Variants in HECTD4 observed in about 807,000 individuals in gnomAD.
HECTD4 encodes HECT domain E3 ubiquitin protein ligase 4.
HECTD4 carries 114 observed loss-of-function variants against 471.5 expected under a neutral mutation model. That is an observed-to-expected ratio of 0.24 (90% CI 0.21 to 0.28). The LOEUF (loss-of-function observed/expected upper bound fraction) is 0.28. HECTD4 is among the 10% of genes least tolerant of loss of function. The probability of loss-of-function intolerance (pLI) is 1.00; values close to 1 mark genes in which losing one functional copy is unlikely to be tolerated. For synonymous variants in HECTD4, 2,012 were observed against 2,256.0 expected (o/e 0.89, Z 3.07); for missense variants, 3,866 against 5,651.5 (o/e 0.68, Z 10.13).
In HECTD4 at chr12:112,162,649, C is replaced by G. The variant is rs1593880676; in HGVS notation, c.13121-126G>C. ...GCCCCAAGCCAATCCTGGGGCCCAG[C>G]AGGAGGGGGATGAGGGCCTGGGAAC... On this transcript the variant is annotated intron_variant, in intron 75 of 75. Transcript: ENST00000682272. This position sits in a 1 kb window ranked among gnomAD's most constrained non-coding sequence, Gnocchi z 5.2. The G allele has an allele frequency of 8.7e-7, 1 of 1,148,710 alleles. No homozygotes were observed. Among genetic ancestry groups the G allele is most frequent in the Admixed American group, 2.3e-5 (1 of 42,848 alleles). 71.2% of individuals were successfully genotyped at this position (1,148,710 alleles called of 1,614,324 possible).
chr12:112,363,798 A>C (rs1279514785), intron 1 of HECTD4, among the ~76,000 whole-genome samples: 1 of 151,592 alleles, frequency 6.6e-6, no homozygotes, highest in African/African-American at 2.4e-5. Context: ...AACATGGTGA[A>C]ACCCCATCTC....
chr12:112,306,179 C>T lies in HECTD4; in HGVS notation c.1220G>A (p.Ser407Asn). 6.2e-7 allele frequency: 1 copy of T among 1,604,028 alleles called. No homozygotes were observed. The highest frequency in any genetic ancestry group is 8.5e-7 in the Non-Finnish European group (1 of 1,176,804). The change falls in exon 7 of 76, where the codon AGC becomes AAC. Residue 407 changes from serine to asparagine, a missense_variant. Physicochemically the swap from Ser to Asn is conservative, Grantham distance 46. Transcript: ENST00000682272. ...GCCATCTGAAGACAGGTGCACAGTGCTCATGGTGCTGCCAATGGGGAGGTG... is the reference window on the plus strand; with the variant it reads ...GCCATCTGAAGACAGGTGCACAGTGTTCATGGTGCTGCCAATGGGGAGGTG... ...ANHLPIGSTM[S>N]TVHLSSDGTY...
chr12:112,235,922 T>C lies in HECTD4; in HGVS notation c.5445-138A>G. On this transcript the variant is annotated intron_variant, in intron 35 of 75. Transcript: ENST00000682272. This position sits in a 1 kb window ranked among gnomAD's most constrained non-coding sequence, Gnocchi z 5.0. The stretch of plus-strand genomic sequence containing the variant: ...TCATGAATGTGGCACTATGCTTCTG[T>C]GAAGAATTAAGAATTTTGGAAACAT... 1.3e-6 allele frequency: 1 copy of C among 748,278 alleles called. No homozygotes were observed. Among genetic ancestry groups the C allele is most frequent in the Non-Finnish European group, 2.1e-6 (1 of 475,250 alleles). The allele number at this position is 748,278 out of a possible 1,614,324, so 46.4% of individuals were successfully genotyped here.
intron 7 of HECTD4, among the ~76,000 whole-genome samples, chr12:112,303,118 A>G (rs2035198839): frequency 6.6e-6 from 1 of 152,106 alleles, no homozygotes; most frequent in African/African-American, 2.4e-5. Context: ...CCCCAACATC[A>G]GTATGAGAGG....
chr12:112,365,503 T>C (rs2036539124), intron 1 of HECTD4, among the ~76,000 whole-genome samples: 1 of 152,188 alleles, frequency 6.6e-6, no homozygotes, highest in South Asian at 2.1e-4. Context: ...TTTCAGCACA[T>C]TTCACTTCTG....
chr12:112,265,091 G>A (rs1313343619), intron 16 of HECTD4, 84 bp downstream of exon 16: 1 of 1,270,874 alleles, frequency 7.9e-7, no homozygotes, highest in African/African-American at 1.5e-5. Context: ...AAGTCTGTAT[G>A]TATACACACA....
intron 1 of HECTD4, among the ~76,000 whole-genome samples, chr12:112,363,173 CTTT>C (rs900031483): frequency 1.3e-5 from 2 of 151,818 alleles, no homozygotes; most frequent in African/African-American, 4.8e-5. Context: ...CAGTTCCATT[CTTT>C]TTTAATTTTT....
rs750970045 is a variant in HECTD4, at chr12:112,236,995, A to C, written c.5394T>G (p.Ala1798=). The C allele has an allele frequency of 3.3e-5, 53 of 1,612,802 alleles. No individual in the cohort carries two copies. In the Admixed American group the frequency reaches 8.7e-4, roughly 26 times the overall value. The change falls in exon 35 of 76, where the codon GCT becomes GCG. Residue 1798 remains alanine, a synonymous_variant. Transcript: ENST00000682272. ...RATECCGNQA[A]GNDALQDVLS... ...GGACATCCTGGAGCGCGTCATTCCCAGCAGCCTGGTTGCCACAGCACTCTG... is the reference window on the plus strand; with the variant it reads ...GGACATCCTGGAGCGCGTCATTCCCCGCAGCCTGGTTGCCACAGCACTCTG...
intron 50 of HECTD4, among the ~76,000 whole-genome samples, chr12:112,209,368 C>A (rs1391252116): frequency 2.0e-5 from 3 of 150,978 alleles, no homozygotes; most frequent in Admixed American, 2.0e-4. Context: ...CTCTTATTGC[C>A]CAGGCTGGAG....
intron 7 of HECTD4, among the ~76,000 whole-genome samples, chr12:112,305,134 G>T (rs1262370555): frequency 6.6e-6 from 1 of 152,148 alleles, no homozygotes; most frequent in African/African-American, 2.4e-5. Flanking sequence ...GTTCAACGAA[G>T]AAGCCACTAG....
chr12:112,242,849 T>C (rs1425074492), intron 32 of HECTD4, among the ~76,000 whole-genome samples: 2 of 152,144 alleles, frequency 1.3e-5, no homozygotes, highest in African/African-American at 2.4e-5. Context: ...AGGCAGAGGC[T>C]GCCATGAGCC....
chr12:112,329,697 CA>C (rs2035810151), intron 1 of HECTD4, among the ~76,000 whole-genome samples: 1 of 152,144 alleles, frequency 6.6e-6, no homozygotes. Flanking sequence ...AATGGTATCT[CA>C]GAGGCATCAA....
In HECTD4 at chr12:112,184,814, A is replaced by G; in HGVS notation, c.10152T>C (p.Asp3384=). 1.2e-6 allele frequency: 2 copies of G among 1,610,006 alleles called. No homozygotes were observed. Among genetic ancestry groups the G allele is most frequent in the Non-Finnish European group, 1.7e-6 (2 of 1,177,332 alleles). Residue 3384 remains aspartate (D), a synonymous_variant, in exon 61 of 76, where the codon GAT becomes GAC. Transcript: ENST00000682272. This position sits in a 1 kb window ranked among gnomAD's most constrained non-coding sequence, Gnocchi z 9.1. ...GLGVTSDAIA[D]ACQALVGPTA... The stretch of plus-strand genomic sequence containing the variant: ...TGGGGCCCACCAGGGCCTGGCAGGC[A>G]TCGGCGATGGCGTCACTCGTCACGC...
chr12:112,371,886 C>CAA lies in HECTD4; in HGVS notation c.177+10064_177+10065dup, dbSNP rs535844706. ...GGGCAACAAGAGTGAAACTCTGTCT[C>CAA]AAAAAAAAAAAAAAAAAAAAAGAAA... On this transcript the variant is annotated intron_variant, in intron 1 of 75. Coordinates refer to ENST00000682272, the MANE Select transcript of HECTD4 (RefSeq NM_001388303.1). 7.1e-3 allele frequency among the ~76,000 whole-genome samples: 403 copies of CAA among 56,850 alleles called. 8 individuals are homozygous for CAA. Among genetic ancestry groups the CAA allele is most frequent in the African/African-American group, 0.017 (273 of 16,242 alleles). 37.3% of individuals were successfully genotyped at this position (56,850 alleles called of 152,430 possible). A position where few individuals can be genotyped will look rare whatever the true frequency, so the allele number is the denominator to read the frequency against.
chr12:112,170,235 G>T, intron 69 of HECTD4, 98 bp downstream of exon 69: 1 of 1,486,132 alleles, frequency 6.7e-7, no homozygotes, highest in Non-Finnish European at 9.1e-7. Flanking sequence ...AGGAACCGCT[G>T]CACCAGCCCT....
rs1404245357 is a variant in HECTD4, at chr12:112,217,104, G to A, written c.7166C>T (p.Ala2389Val). The A allele has an allele frequency of 1.3e-6, 2 of 1,594,582 alleles. No homozygotes were observed. Among genetic ancestry groups the A allele is most frequent in the South Asian group, 2.3e-5 (2 of 88,076 alleles). Residue 2389 changes from alanine (A) to valine (V), a missense_variant, in exon 46 of 76, where the codon GCT becomes GTT. This residue lies in a region of HECTD4 where 617 missense variants were observed against 915.1 expected (regional missense o/e 0.67). Transcript: ENST00000682272. ...CAGGCCTCCCCCAGCGCTGGGGTCA[G>A]CCAGGAAGGTGACTGAGGTAAGGTG... is the stretch of plus-strand genomic sequence containing the variant. Reference protein sequence around the residue: ...SSHLTSVTFLADPSAGGGLPR... With the variant: ...SSHLTSVTFLVDPSAGGGLPR...
chr12:112,181,480 GT>G (rs1162600661), intron 62 of HECTD4, among the ~76,000 whole-genome samples: 1 of 151,324 alleles, frequency 6.6e-6, no homozygotes, highest in Non-Finnish European at 1.5e-5. Flanking sequence ...GGGTAACCAT[GT>G]TTTTTTTTAA....
At chr12:112,348,763 A>G (rs55843500) in intron 1 of HECTD4, among the ~76,000 whole-genome samples, 6,087 of 152,226 alleles carry the variant, frequency 0.04, 188 homozygotes, top group South Asian at 0.077. Context: ...GGGAAAAAAA[A>G]GTGTATATTA....
At position 112,256,461 on chromosome 12, in the gene HECTD4, T is replaced by C. The variant is rs747918764; in HGVS notation, c.3186A>G (p.Pro1062=). 4.3e-6 allele frequency: 7 copies of C among 1,611,376 alleles called. No individual in the cohort carries two copies. The highest frequency in any genetic ancestry group is 3.3e-5 in the South Asian group (3 of 90,348). Residue 1062 remains proline (P), a synonymous_variant, in exon 21 of 76, where the codon CCA becomes CCG. Coordinates refer to ENST00000682272, the MANE Select transcript of HECTD4 (RefSeq NM_001388303.1). ...GFLTGLKIPA[P]WAAGKTVETV... The stretch of plus-strand genomic sequence containing the variant: ...TTTCCACAGTCTTTCCAGCAGCCCA[T>C]GGGGCAGGAATCTTTAAACCAGTGA...
Sources: gnomAD v4.1 joint callset for allele counts (sites outside exome capture counted in the v4.1 genomes callset) on GRCh38, gnomAD v4.1.1 for gene constraint, gnomAD v4.1.1 regional missense constraint, Gnocchi (gnomAD v3.1) non-coding constraint, MANE v1.5 for transcripts, NCBI Gene and HGNC (gene_info 2026-07-23, HGNC 2026-07-21) for gene names.